The following DGKB variants were observed in gnomAD, a reference collection of about 807,000 sequenced individuals.
DGKB encodes the protein 90 kDa diacylglycerol kinase.
A neutral mutation model predicts 114.3 loss-of-function variants in DGKB; 67 were observed. That is an observed-to-expected ratio of 0.59 (90% CI 0.48 to 0.72). The LOEUF (loss-of-function observed/expected upper bound fraction) is 0.72, where lower values mean the gene tolerates loss of function less well. DGKB is among the 30% of genes least tolerant of loss of function. The pLI, the probability that DGKB is intolerant of heterozygous loss-of-function variation, is 0.00. For synonymous variants in DGKB, 398 were observed against 323.1 expected (o/e 1.23, Z -2.49); for missense variants, 907 against 975.2 (o/e 0.93, Z 0.93).
intron 1 of DGKB, among the ~76,000 whole-genome samples, chr7:14,922,062 C>G (rs1328170390): frequency 6.6e-6 from 1 of 151,968 alleles, no homozygotes; most frequent in African/African-American, 2.4e-5. Context: ...ATGACTTCGA[C>G]AAAGAGCGTC....
In DGKB at chr7:14,771,965, C is replaced by T. The variant is rs143460319; in HGVS notation, c.71-14234G>A. 5.4e-5 allele frequency among the ~76,000 whole-genome samples: 8 copies of T among 149,144 alleles called. No individual in the cohort carries two copies. In the East Asian group the frequency reaches 1.6e-3, roughly 29 times the overall value. ...CCACAATTCTTTATCTTAACCTGAACACTCCTTTCCATTGATCCCAGGTCT... is the reference window on the plus strand; with the variant it reads ...CCACAATTCTTTATCTTAACCTGAATACTCCTTTCCATTGATCCCAGGTCT... On this transcript the variant is annotated intron_variant, in intron 2 of 25. Transcript: ENST00000402815.
chr7:14,836,828 C>T (rs922280144), intron 2 of DGKB, among the ~76,000 whole-genome samples: 5 of 152,336 alleles, frequency 3.3e-5, no homozygotes, highest in African/African-American at 1.2e-4. Context: ...AGAGCGGAGG[C>T]TGCCAATTAC....
rs35965873 is a variant in DGKB, at chr7:14,967,652, TAAAAAAAA to T, written c.-188+7036_-188+7043del. 8.6e-3 allele frequency among the ~76,000 whole-genome samples: 864 copies of T among 101,020 alleles called. 12 individuals are homozygous for T. Among genetic ancestry groups the T allele is most frequent in the African/African-American group, 0.028 (775 of 27,292 alleles). The allele number at this position is 101,020 out of a possible 152,430, so 66.3% of individuals were successfully genotyped here. A position where few individuals can be genotyped will look rare whatever the true frequency, so the allele number is the denominator to read the frequency against. ...CTGACTTTACAAGCATGTGATTTAT[TAAAAAAAA>T]AAAAAAAAAAAAAAAGTCTTTCATA... On this transcript the variant is annotated intron_variant, in intron 1 of 4. Transcript: ENST00000437998.
chr7:14,271,859 A>C (rs2128434549), intron 23 of DGKB, among the ~76,000 whole-genome samples: 1 of 152,312 alleles, frequency 6.6e-6, no homozygotes, highest in East Asian at 1.9e-4. Flanking sequence ...TCCAAAACCT[A>C]GCTGAATTAT....
intron 21 of DGKB, among the ~76,000 whole-genome samples, chr7:14,467,679 A>G (rs1028788269): frequency 6.6e-6 from 1 of 152,156 alleles, no homozygotes; most frequent in African/African-American, 2.4e-5. Flanking sequence ...CATTTTTTAA[A>G]AAATAAATCA....
intron 19 of DGKB, among the ~76,000 whole-genome samples, chr7:14,580,600 A>G (rs10257738): frequency 0.03 from 4,575 of 152,320 alleles, 218 homozygotes; most frequent in African/African-American, 0.1. Flanking sequence ...ATCAAAAACC[A>G]AAACCAGAGA....
Position 14,228,315 on chromosome 7 carries a change from C to G in DGKB, c.2123-50164G>C, listed in dbSNP as rs138097983. 2.0e-5 allele frequency among the ~76,000 whole-genome samples: 3 copies of G among 152,142 alleles called. No individual in the cohort carries two copies. The East Asian group carries it at 5.8e-4, about 30-fold the overall frequency. The stretch of plus-strand genomic sequence containing the variant: ...GGACAAAGACAAAGTTGTTGCTGGA[C>G]ATGCTCTGGCACATAGGCCACCTCC... On this transcript the variant is annotated intron_variant, in intron 23 of 25. Transcript: ENST00000402815.
intron 14 of DGKB, among the ~76,000 whole-genome samples, chr7:14,625,685 C>T (rs1018575323): frequency 6.6e-6 from 1 of 151,884 alleles, no homozygotes; most frequent in Non-Finnish European, 1.5e-5. Flanking sequence ...AGGCAAATTT[C>T]CTTCTGCCAG....
chr7:14,907,020 G>T (rs1169975307), upstream of DGKB, among the ~76,000 whole-genome samples: 2 of 151,902 alleles, frequency 1.3e-5, no homozygotes, highest in Non-Finnish European at 2.9e-5. Context: ...ACCAACTTTG[G>T]CTTTAATCAT....
intron 20 of DGKB, among the ~76,000 whole-genome samples, chr7:14,505,128 TTCTTAAGAACATGTTTTG>T (rs1786829017): frequency 6.6e-6 from 1 of 152,266 alleles, no homozygotes; most frequent in Admixed American, 6.5e-5. Flanking sequence ...GCAGTTTGTG[TTCTTAAGAACATGTTTTG>T]TCTTGTTTCA....
At chr7:14,899,722 A>G (rs1782685075) in intron 1 of DGKB, among the ~76,000 whole-genome samples, 1 of 152,066 alleles carries the variant, frequency 6.6e-6, no homozygotes, top group South Asian at 2.1e-4. Flanking sequence ...ATCTGGGGTC[A>G]ATGCAGGTGG....
At chr7:14,471,950 G>A (rs1781478618) in intron 21 of DGKB, among the ~76,000 whole-genome samples, 1 of 152,124 alleles carries the variant, frequency 6.6e-6, no homozygotes, top group Admixed American at 6.6e-5. Context: ...AGGGGGCTGA[G>A]AACCTATCTT....
chr7:14,254,825 T>G (rs1469632456), intron 23 of DGKB, among the ~76,000 whole-genome samples: 1 of 152,108 alleles, frequency 6.6e-6, no homozygotes, highest in Non-Finnish European at 1.5e-5. Context: ...CCATCTGAGA[T>G]TTTTCCTCTT....
intron 1 of DGKB, among the ~76,000 whole-genome samples, chr7:14,970,836 C>T (rs1787420547): frequency 6.6e-6 from 1 of 152,098 alleles, no homozygotes; most frequent in Non-Finnish European, 1.5e-5. Context: ...TCTTCCCCAG[C>T]CATAGACACC....
intron 20 of DGKB, among the ~76,000 whole-genome samples, chr7:14,485,786 G>A (rs1448601871): frequency 6.6e-6 from 1 of 151,764 alleles, no homozygotes; most frequent in African/African-American, 2.4e-5. Flanking sequence ...CAGCTACTGG[G>A]AGGCTGAGGC....
At chr7:14,822,313 T>G (rs2128104449) in intron 2 of DGKB, among the ~76,000 whole-genome samples, 2 of 152,200 alleles carry the variant, frequency 1.3e-5, no homozygotes, top group Non-Finnish European at 2.9e-5. Flanking sequence ...AAGTTAAGTT[T>G]TAAAAGGGAA....
intron 21 of DGKB, among the ~76,000 whole-genome samples, chr7:14,469,935 A>C (rs1223551503): frequency 6.6e-6 from 1 of 151,944 alleles, no homozygotes; most frequent in African/African-American, 2.4e-5. Context: ...ACATATATAC[A>C]TCTATATATT....
At chr7:14,520,954 C>T (rs1159283668) in intron 20 of DGKB, among the ~76,000 whole-genome samples, 1 of 152,006 alleles carries the variant, frequency 6.6e-6, no homozygotes, top group African/African-American at 2.4e-5. Flanking sequence ...CATCATTAGA[C>T]CATAATATTG....
At chr7:14,386,910 T>C (rs1237047684) in intron 21 of DGKB, among the ~76,000 whole-genome samples, 2 of 152,106 alleles carry the variant, frequency 1.3e-5, no homozygotes, top group Non-Finnish European at 2.9e-5. Flanking sequence ...CTTTCTCACT[T>C]ATGATTCCTT....
Sources: gnomAD v4.1 joint callset for allele counts (sites outside exome capture counted in the v4.1 genomes callset) on GRCh38, gnomAD v4.1.1 for gene constraint, MANE v1.5 for transcripts, NCBI Gene and HGNC (gene_info 2026-07-23, HGNC 2026-07-21) for gene names.